ZDHHC14: variants seen among roughly 807,000 people sequenced by gnomAD.
ZDHHC14 encodes the protein palmitoyltransferase ZDHHC14.
Under a neutral mutation model 47.7 loss-of-function variants are expected in ZDHHC14, and 16 were observed. That is an observed-to-expected ratio of 0.34 (90% confidence interval 0.23 to 0.51). The LOEUF (loss-of-function observed/expected upper bound fraction) is 0.51, where lower values mean the gene tolerates loss of function less well. Among genes scored for constraint, ZDHHC14 ranks in the 20% least tolerant of loss-of-function variants. The pLI is 0.97. For missense variants in ZDHHC14, 515 were observed against 662.5 expected, an observed-to-expected ratio of 0.78 and a Z score of 2.44; for synonymous variants, 293 against 278.9, an observed-to-expected ratio of 1.05 and a Z score of -0.50.
Position 157,424,598 on chromosome 6 carries a change from C to T in ZDHHC14, c.245+42332C>T, listed in dbSNP as rs528354617. 2.0e-5 allele frequency among the ~76,000 whole-genome samples: 3 copies of T among 152,304 alleles called. No individual in the cohort carries two copies. In the South Asian group the frequency reaches 6.2e-4, roughly 32 times the overall value. ...GGTGCTTCGCTTGGCTATGAACAAA[C>T]AACTGGTTAAAAAGCCTTTCTGGAG... On this transcript the variant is annotated intron_variant, in intron 1 of 8. Transcript: ENST00000359775.
chr6:157,677,500 G>A lies in ZDHHC14; in HGVS notation c.*4378G>A, dbSNP rs555428440. Reference sequence around the variant, plus strand: ...ATTAATCCAGCCATTAAAAGTAGTTGGGAGATTGAAGATTAGATGGTTTCT... The same window carrying A: ...ATTAATCCAGCCATTAAAAGTAGTTAGGAGATTGAAGATTAGATGGTTTCT... On this transcript the variant is annotated 3_prime_UTR_variant, in exon 9 of 9. Coordinates refer to ENST00000359775, the MANE Select transcript of ZDHHC14 (RefSeq NM_024630.3). 6.6e-6 allele frequency: 1 copy of A among 152,094 alleles called. No individual in the cohort carries two copies. Among genetic ancestry groups the A allele is most frequent in the African/African-American group, 2.4e-5 (1 of 41,484 alleles). The allele number at this position is 152,094 out of a possible 1,614,324, so 9.4% of individuals were successfully genotyped here.
At chr6:157,563,103 T>C (rs973019304) in intron 2 of ZDHHC14, among the ~76,000 whole-genome samples, 1 of 152,186 alleles carries the variant, frequency 6.6e-6, no homozygotes, top group Non-Finnish European at 1.5e-5. Flanking sequence ...CACCCGGAGC[T>C]GGGCTGGACT....
At chr6:157,541,853 C>A (rs149223768) in intron 1 of ZDHHC14, among the ~76,000 whole-genome samples, 1 of 152,206 alleles carries the variant, frequency 6.6e-6, no homozygotes, top group African/African-American at 2.4e-5. Context: ...CCCTGCTTCA[C>A]GTCAGCATGT....
chr6:157,499,000 G>A (rs1780132910), intron 1 of ZDHHC14, among the ~76,000 whole-genome samples: 2 of 151,980 alleles, frequency 1.3e-5, no homozygotes, highest in South Asian at 4.1e-4. Flanking sequence ...AACTGTGTTT[G>A]ACACTACTTT....
At chr6:157,513,547 C>T (rs1780570187) in intron 1 of ZDHHC14, among the ~76,000 whole-genome samples, 1 of 152,222 alleles carries the variant, frequency 6.6e-6, no homozygotes, top group East Asian at 1.9e-4. Context: ...TTGGAAAACA[C>T]AGACTCATGG....
chr6:157,648,511 G>A (rs935860217), intron 7 of ZDHHC14, among the ~76,000 whole-genome samples: 1 of 94,942 alleles, frequency 1.1e-5, no homozygotes, highest in Non-Finnish European at 2.0e-5. Context: ...TTGAGTCACC[G>A]TGGTGCTACT....
intron 2 of ZDHHC14, among the ~76,000 whole-genome samples, chr6:157,545,228 A>G (rs962197641): frequency 7.7e-6 from 1 of 130,374 alleles, no homozygotes; most frequent in Non-Finnish European, 1.7e-5. Flanking sequence ...TGCACATGAC[A>G]TGAGGGAGCT....
intron 8 of ZDHHC14, among the ~76,000 whole-genome samples, chr6:157,654,683 G>A (rs1778002162): frequency 6.6e-6 from 1 of 152,004 alleles, no homozygotes; most frequent in African/African-American, 2.4e-5. Context: ...TGTTGGTGGT[G>A]GTGGTGTCTT....
intron 1 of ZDHHC14, among the ~76,000 whole-genome samples, chr6:157,398,844 A>G (rs1285595621): frequency 2.0e-5 from 3 of 152,270 alleles, no homozygotes. Context: ...TCCACTGACC[A>G]GTACAAGAGA....
intron 1 of ZDHHC14, among the ~76,000 whole-genome samples, chr6:157,514,527 G>C (rs1382262615): frequency 6.6e-6 from 1 of 152,246 alleles, no homozygotes; most frequent in Non-Finnish European, 1.5e-5. Flanking sequence ...TCGCCAAGAA[G>C]TTGGATTGGA....
chr6:157,667,312 G>A (rs1778594903), intron 8 of ZDHHC14, among the ~76,000 whole-genome samples: 1 of 152,120 alleles, frequency 6.6e-6, no homozygotes, highest in Non-Finnish European at 1.5e-5. Context: ...TGTATGCACA[G>A]CCACCAAATT....
At chr6:157,622,521 T>C (rs747554149) in intron 3 of ZDHHC14, among the ~76,000 whole-genome samples, 4 of 152,222 alleles carry the variant, frequency 2.6e-5, no homozygotes, top group Admixed American at 2.0e-4. Context: ...CTTTGCCCAC[T>C]TAGGATCTGA....
intron 1 of ZDHHC14, among the ~76,000 whole-genome samples, chr6:157,400,416 T>C (rs929507695): frequency 1.3e-5 from 2 of 151,884 alleles, no homozygotes; most frequent in Admixed American, 1.3e-4. Context: ...TTTTAAAGGG[T>C]GACCTACACC....
intron 5 of ZDHHC14, among the ~76,000 whole-genome samples, chr6:157,634,283 C>G (rs1776858714): frequency 6.6e-6 from 1 of 152,008 alleles, no homozygotes; most frequent in South Asian, 2.1e-4. Flanking sequence ...ACAAAGGGGA[C>G]TTGGAGGATA....
intron 3 of ZDHHC14, among the ~76,000 whole-genome samples, chr6:157,621,256 A>G (rs1345277238): frequency 6.6e-6 from 1 of 152,170 alleles, no homozygotes; most frequent in African/African-American, 2.4e-5. Context: ...GCCAGATACA[A>G]TATGTACCAC....
chr6:157,501,322 A>T (rs922612736), intron 1 of ZDHHC14, among the ~76,000 whole-genome samples: 3 of 152,166 alleles, frequency 2.0e-5, no homozygotes, highest in Non-Finnish European at 4.4e-5. Flanking sequence ...CAACTATGCA[A>T]TTGTTTAGGG....
intron 8 of ZDHHC14, among the ~76,000 whole-genome samples, chr6:157,655,942 C>T (rs1014554336): frequency 2.6e-5 from 4 of 152,220 alleles, no homozygotes. Context: ...TAATGGTGCT[C>T]TCACCAGGAA....
intron 1 of ZDHHC14, among the ~76,000 whole-genome samples, chr6:157,483,587 T>G (rs1203112394): frequency 1.3e-5 from 2 of 152,196 alleles, no homozygotes; most frequent in Non-Finnish European, 2.9e-5. Context: ...GTGCAGCTCT[T>G]TAAACCATTT....
At chr6:157,541,326 A>G (rs994801166) in intron 1 of ZDHHC14, among the ~76,000 whole-genome samples, 6 of 152,162 alleles carry the variant, frequency 3.9e-5, no homozygotes, top group Admixed American at 2.6e-4. Flanking sequence ...GTCTCAGCAA[A>G]GGGGATCACG....
Sources: gnomAD v4.1 joint callset for allele counts (sites outside exome capture counted in the v4.1 genomes callset) on GRCh38, gnomAD v4.1.1 for gene constraint, MANE v1.5 for transcripts, NCBI Gene and HGNC (gene_info 2026-07-23, HGNC 2026-07-21) for gene names.